The following ARSG variants were observed in gnomAD, a reference collection of about 807,000 sequenced individuals.
ARSG encodes the protein arylsulfatase G.
ARSG carries 37 observed loss-of-function variants against 50.5 expected under a neutral mutation model. That is an observed-to-expected ratio of 0.73 (90% CI 0.56 to 0.96). ARSG has a LOEUF of 0.96. ARSG is among the 50% of genes least tolerant of loss of function. The pLI, the probability that ARSG is intolerant of heterozygous loss-of-function variation, is 0.00. For synonymous variants in ARSG, 225 were observed against 254.6 expected, an observed-to-expected ratio of 0.88 and a Z score of 1.11; for missense variants, 629 against 675.3, an observed-to-expected ratio of 0.93 and a Z score of 0.76.
At chr17:68,375,942 A>G (rs909130045) in intron 8 of ARSG, among the ~76,000 whole-genome samples, 2 of 152,168 alleles carry the variant, frequency 1.3e-5, no homozygotes, top group Non-Finnish European at 2.9e-5. Flanking sequence ...GAGGGACATT[A>G]TTTAATGTTA....
chr17:68,414,620 G>A (rs2082255040), intron 11 of ARSG, among the ~76,000 whole-genome samples: 1 of 152,138 alleles, frequency 6.6e-6, no homozygotes, highest in Admixed American at 6.5e-5. Flanking sequence ...TTCTTTGAAT[G>A]TCTGGTGGAA....
At chr17:68,354,719 A>G (rs2078957303) in intron 5 of ARSG, among the ~76,000 whole-genome samples, 1 of 152,140 alleles carries the variant, frequency 6.6e-6, no homozygotes, top group Non-Finnish European at 1.5e-5. Context: ...CCCGTTCTTT[A>G]CAAAAAATAC....
intron 1 of ARSG, among the ~76,000 whole-genome samples, chr17:68,299,682 A>G (rs2072114401): frequency 6.6e-6 from 1 of 152,208 alleles, no homozygotes; most frequent in African/African-American, 2.4e-5. Context: ...ATAAATGAAA[A>G]GAAAAGAGAC....
intron 8 of ARSG, among the ~76,000 whole-genome samples, chr17:68,373,710 T>C (rs908488739): frequency 1.3e-5 from 2 of 152,114 alleles, no homozygotes; most frequent in Non-Finnish European, 2.9e-5. Context: ...GGAGTATTGG[T>C]GTTTCTCACT....
rs1271027562 is a variant in ARSG at position 68,399,387 on chromosome 17, T to C, written c.1213-1973T>C. Among the ~76,000 whole-genome samples, 1 of 152,044 alleles carries C rather than the reference T, an allele frequency of 6.6e-6. No individual in the cohort carries two copies. Among genetic ancestry groups the C allele is most frequent in the Non-Finnish European group, 1.5e-5 (1 of 68,006 alleles). On this transcript the variant is annotated intron_variant, in intron 10 of 11. Coordinates refer to ENST00000621439, the MANE Select transcript of ARSG (RefSeq NM_001267727.2). This position sits in a 1 kb window ranked among gnomAD's most constrained non-coding sequence, Gnocchi z 4.6. Reference sequence around the variant, plus strand: ...TGTGGGACTTAAGGTAAAGGAATGCTCTCGTGCTTAAAAAACAAAACAAGA... The same window carrying C: ...TGTGGGACTTAAGGTAAAGGAATGCCCTCGTGCTTAAAAAACAAAACAAGA...
At chr17:68,294,056 A>G (rs767043632) in intron 1 of ARSG, among the ~76,000 whole-genome samples, 1 of 152,198 alleles carries the variant, frequency 6.6e-6, no homozygotes, top group Non-Finnish European at 1.5e-5. Flanking sequence ...TAAGAACAAA[A>G]GAACCTTTGG....
At chr17:68,349,964 C>T (rs910849892) in intron 4 of ARSG, among the ~76,000 whole-genome samples, 25 of 152,156 alleles carry the variant, frequency 1.6e-4, no homozygotes, top group African/African-American at 6.0e-4. Context: ...TAATGTCTAA[C>T]TCGAGGAGTG....
chr17:68,277,393 G>A (rs1695542709), intron 1 of ARSG, among the ~76,000 whole-genome samples: 1 of 151,952 alleles, frequency 6.6e-6, no homozygotes, highest in South Asian at 2.1e-4. Context: ...GCTTTCCAAA[G>A]TGCTGGGATT....
rs188882546 is a variant in ARSG at position 68,262,339 on chromosome 17, C to T, written c.-552+2913C>T. Among the ~76,000 whole-genome samples the T allele has an allele frequency of 2.1e-3, 324 of 151,804 alleles. 4 individuals carry two copies. The highest frequency in any genetic ancestry group is 3.1e-3 in the Non-Finnish European group (208 of 67,904). On this transcript the variant is annotated intron_variant, in intron 1 of 11. Transcript: ENST00000448504. ...ACAAAAAATTAGCCAGGTGTGGTGG[C>T]GGGCGCCTGTAGTCCCAGCTACTCG...
At chr17:68,406,564 T>A (rs1251077517) in intron 11 of ARSG, among the ~76,000 whole-genome samples, 1 of 152,212 alleles carries the variant, frequency 6.6e-6, no homozygotes, top group Non-Finnish European at 1.5e-5. Context: ...GATTTTTTGA[T>A]TATGGCTATT....
At chr17:68,448,290 C>T in the ARSG span, 1 of 152,188 alleles carries the variant, frequency 6.6e-6, no homozygotes, top group Non-Finnish European at 1.5e-5. Context: ...AGCAAACCCC[C>T]AATACTTCCC....
At chr17:68,373,468 AT>A (rs2082775201) in intron 8 of ARSG, among the ~76,000 whole-genome samples, 1 of 151,712 alleles carries the variant, frequency 6.6e-6, no homozygotes, top group South Asian at 2.1e-4. Flanking sequence ...ACCTCAGGTG[AT>A]CCACCCATCT....
chr17:68,410,879 C>T (rs1421107773), intron 11 of ARSG, among the ~76,000 whole-genome samples: 3 of 152,122 alleles, frequency 2.0e-5, no homozygotes, highest in Non-Finnish European at 4.4e-5. Flanking sequence ...GGAATTTATC[C>T]ATTTCTTCTA....
At chr17:68,361,238 G>C (rs539605123) in intron 6 of ARSG, among the ~76,000 whole-genome samples, 1 of 152,268 alleles carries the variant, frequency 6.6e-6, no homozygotes, top group Non-Finnish European at 1.5e-5. Context: ...AGGAAATTAG[G>C]TTTAGATAAG....
intron 1 of ARSG, among the ~76,000 whole-genome samples, chr17:68,293,955 C>CT (rs2076115045): frequency 6.6e-6 from 1 of 152,158 alleles, no homozygotes; most frequent in Non-Finnish European, 1.5e-5. Flanking sequence ...AAAACCCCTG[C>CT]TTTTTTAACT....
chr17:68,426,048 G>A (rs144678657), downstream of ARSG: 106 of 1,597,548 alleles, frequency 6.6e-5, no homozygotes, highest in African/African-American at 9.1e-4. Context: ...AGACTGAGCC[G>A]CCCAGTTACG....
At chr17:68,298,591 T>A in intron 1 of ARSG, among the ~76,000 whole-genome samples, 1 of 101,024 alleles carries the variant, frequency 9.9e-6, no homozygotes, top group African/African-American at 4.2e-5. Context: ...CGGGATCCTG[T>A]CTCAAAAAAA....
chr17:68,404,308 A>G (rs1470147486), intron 11 of ARSG, among the ~76,000 whole-genome samples: 2 of 152,254 alleles, frequency 1.3e-5, no homozygotes, highest in Admixed American at 6.5e-5. Flanking sequence ...TGGTTGAACT[A>G]GTTTACAGTC....
At chr17:68,432,503 C>T in the ARSG span, among the ~76,000 whole-genome samples, 1 of 152,182 alleles carries the variant, frequency 6.6e-6, no homozygotes, top group Admixed American at 6.5e-5. Flanking sequence ...AGTCCCAGCA[C>T]TTTGGGAGGT....
Sources: gnomAD v4.1 joint callset for allele counts (sites outside exome capture counted in the v4.1 genomes callset) on GRCh38, gnomAD v4.1.1 for gene constraint, Gnocchi (gnomAD v3.1) non-coding constraint, MANE v1.5 for transcripts, NCBI Gene and HGNC (gene_info 2026-07-23, HGNC 2026-07-21) for gene names.